Variants in DPP6 observed in about 807,000 individuals in gnomAD.
DPP6 encodes A-type potassium channel modulatory protein DPP6.
Under a neutral mutation model 122.6 loss-of-function variants are expected in DPP6, and 69 were observed. The observed-to-expected ratio is 0.56, with a 90% CI of 0.46 to 0.69. The LOEUF (loss-of-function observed/expected upper bound fraction) is 0.69. DPP6 is among the 30% of genes least tolerant of loss of function. The pLI, the probability that DPP6 is intolerant of heterozygous loss-of-function variation, is 0.00. For synonymous variants in DPP6, 418 were observed against 433.1 expected (o/e 0.97, Z 0.43); for missense variants, 928 against 1,116.9 (o/e 0.83, Z 2.41).
intron 1 of DPP6, among the ~76,000 whole-genome samples, chr7:154,059,834 C>G (rs367946299): frequency 7.1e-3 from 1,052 of 147,870 alleles, no homozygotes; most frequent in East Asian, 0.024. Context: ...CTCTAAACAA[C>G]TAGACAGGGT....
intron 1 of DPP6, among the ~76,000 whole-genome samples, chr7:154,356,510 G>C (rs1315757580): frequency 6.6e-6 from 1 of 151,994 alleles, no homozygotes; most frequent in African/African-American, 2.4e-5. Context: ...TGAGGTTGTA[G>C]TGAGCTGTGA....
intron 1 of DPP6, among the ~76,000 whole-genome samples, chr7:154,063,247 T>C (rs1339073455): frequency 8.1e-6 from 1 of 123,470 alleles, no homozygotes; most frequent in African/African-American, 3.1e-5. Flanking sequence ...CAGCCCCTAT[T>C]CCCCCACTGG....
upstream of DPP6, among the ~76,000 whole-genome samples, chr7:153,884,345 G>A (rs1265224734): frequency 1.3e-5 from 2 of 152,120 alleles, no homozygotes; most frequent in Admixed American, 6.6e-5. Context: ...TGAACTCATC[G>A]TTTTTTATGG....
At chr7:153,963,844 G>A (rs1359739932) in intron 1 of DPP6, among the ~76,000 whole-genome samples, 2 of 152,154 alleles carry the variant, frequency 1.3e-5, no homozygotes, top group Admixed American at 1.3e-4. Context: ...CAGAAAATTT[G>A]GGGACTGCTG....
chr7:154,063,140 GT>G (rs1802274185), intron 1 of DPP6, among the ~76,000 whole-genome samples: 1 of 118,252 alleles, frequency 8.5e-6, no homozygotes, highest in African/African-American at 3.1e-5. Flanking sequence ...CCCCACGAGA[GT>G]GGGGACTGAG....
At chr7:154,083,849 G>A in intron 1 of DPP6, among the ~76,000 whole-genome samples, 1 of 150,780 alleles carries the variant, frequency 6.6e-6, no homozygotes, top group Non-Finnish European at 1.5e-5. Flanking sequence ...ATATTTCCAT[G>A]TTCTTCCTGA....
At chr7:154,077,309 A>T (rs1445608225) in intron 1 of DPP6, among the ~76,000 whole-genome samples, 1 of 152,274 alleles carries the variant, frequency 6.6e-6, no homozygotes, top group Non-Finnish European at 1.5e-5. Flanking sequence ...CACAATGTGT[A>T]GAATGAAGAA....
intron 5 of DPP6, among the ~76,000 whole-genome samples, chr7:154,596,730 A>G (rs1833117555): frequency 6.6e-6 from 1 of 152,232 alleles, no homozygotes; most frequent in Non-Finnish European, 1.5e-5. Flanking sequence ...GCTGCTTTAT[A>G]AGAATAATGA....
At position 154,877,319 on chromosome 7, in the gene DPP6, T is replaced by C. The variant is rs1804956361; in HGVS notation, c.2078+1219T>C. On this transcript the variant is annotated intron_variant, in intron 20 of 25. Transcript: ENST00000377770. This position sits in a 1 kb window ranked among gnomAD's most constrained non-coding sequence, Gnocchi z 5.2. Reference sequence around the variant, plus strand: ...GCTGGGAAATACGGAGCGGGAGAGCTCTCAGGACTCAGATACTCAGGGAAG... The same window carrying C: ...GCTGGGAAATACGGAGCGGGAGAGCCCTCAGGACTCAGATACTCAGGGAAG... Among the ~76,000 whole-genome samples, 1 of 151,856 alleles carries C rather than the reference T, an allele frequency of 6.6e-6. No individual in the cohort carries two copies.
At chr7:154,193,616 G>A (rs887918931) in intron 1 of DPP6, among the ~76,000 whole-genome samples, 7 of 152,128 alleles carry the variant, frequency 4.6e-5, no homozygotes, top group African/African-American at 1.7e-4. Flanking sequence ...CAGCATGTTT[G>A]GAGTGCATGT....
chr7:153,920,742 G>A (rs1445166219), intron 1 of DPP6, among the ~76,000 whole-genome samples: 1 of 151,770 alleles, frequency 6.6e-6, no homozygotes, highest in Admixed American at 6.6e-5. Flanking sequence ...TGTATTTTTA[G>A]CAGAGATGGG....
chr7:154,543,137 G>A (rs563469437), intron 4 of DPP6, among the ~76,000 whole-genome samples: 2 of 152,308 alleles, frequency 1.3e-5, no homozygotes, highest in African/African-American at 4.8e-5. Flanking sequence ...CTGATCAGGT[G>A]TTCTCTTCTC....
At chr7:154,820,074 C>T (rs1411978589) in intron 16 of DPP6, among the ~76,000 whole-genome samples, 1 of 152,210 alleles carries the variant, frequency 6.6e-6, no homozygotes, top group African/African-American at 2.4e-5. Flanking sequence ...TTCATCACTG[C>T]CCTGTCTCCA....
At chr7:154,239,280 G>T (rs192594435) in intron 1 of DPP6, among the ~76,000 whole-genome samples, 11 of 152,246 alleles carry the variant, frequency 7.2e-5, no homozygotes, top group African/African-American at 2.4e-4. Flanking sequence ...TTCTAGTGTC[G>T]TAGCTCTTAG....
intron 1 of DPP6, among the ~76,000 whole-genome samples, chr7:153,912,382 T>C (rs1488186653): frequency 6.6e-6 from 1 of 152,172 alleles, no homozygotes; most frequent in South Asian, 2.1e-4. Context: ...GAGAGCTTCA[T>C]GAAAGAGATG....
intron 1 of DPP6, among the ~76,000 whole-genome samples, chr7:154,334,765 A>G (rs1028225751): frequency 6.6e-6 from 1 of 152,164 alleles, no homozygotes; most frequent in African/African-American, 2.4e-5. Context: ...GCATGGTGGC[A>G]CGCACCTGTA....
chr7:153,791,420 C>CTTTTT, the DPP6 span, among the ~76,000 whole-genome samples: 41 of 24,214 alleles, frequency 1.7e-3, no homozygotes, highest in African/African-American at 4.3e-3. Flanking sequence ...TCCTTCCTTC[C>CTTTTT]TTTCTTTTTT....
At chr7:154,428,125 C>T (rs183130252) in intron 1 of DPP6, among the ~76,000 whole-genome samples, 28 of 152,306 alleles carry the variant, frequency 1.8e-4, no homozygotes, top group Non-Finnish European at 1.2e-4. Flanking sequence ...AAAGGCAATT[C>T]AGAATGTGAC....
chr7:154,132,532 C>G (rs1168958018), intron 1 of DPP6, among the ~76,000 whole-genome samples: 7 of 152,142 alleles, frequency 4.6e-5, no homozygotes, highest in Non-Finnish European at 7.3e-5. Flanking sequence ...TTTTATCCCT[C>G]TCTTCTTCCT....
Sources: gnomAD v4.1 joint callset for allele counts (sites outside exome capture counted in the v4.1 genomes callset) on GRCh38, gnomAD v4.1.1 for gene constraint, Gnocchi (gnomAD v3.1) non-coding constraint, MANE v1.5 for transcripts, NCBI Gene and HGNC (gene_info 2026-07-23, HGNC 2026-07-21) for gene names.